CDH23: variants seen among roughly 807,000 people sequenced by gnomAD.
CDH23 encodes the protein cadherin-23.
CDH23 carries 189 observed loss-of-function variants against 317.1 expected under a neutral mutation model. That is an observed-to-expected ratio of 0.60 (90% CI 0.53 to 0.67). The LOEUF is 0.67. CDH23 is among the 30% of genes least tolerant of loss of function. CDH23 has a pLI of 0.00. For synonymous variants in CDH23, 1,839 were observed against 1,876.8 expected, an observed-to-expected ratio of 0.98 and a Z score of 0.52; for missense variants, 4,401 against 4,592.4, an observed-to-expected ratio of 0.96 and a Z score of 1.20.
chr10:71,718,483 G>T (rs1261876042), intron 28 of CDH23, among the ~76,000 whole-genome samples: 1 of 152,230 alleles, frequency 6.6e-6, no homozygotes, highest in Non-Finnish European at 1.5e-5. Context: ...ATCAGGCCTA[G>T]AGAGCACTCT....
chr10:71,558,769 C>T (rs1026279230), intron 6 of CDH23, among the ~76,000 whole-genome samples: 8 of 152,148 alleles, frequency 5.3e-5, no homozygotes, highest in South Asian at 2.1e-4. Context: ...GCTGTTCTTT[C>T]GAGGGATCTG....
chr10:71,639,011 G>A lies in CDH23; in HGVS notation c.1135-4850G>A, dbSNP rs192637452. On this transcript the variant is annotated intron_variant, in intron 11 of 69. Transcript: ENST00000224721. ...CAAAGTGCAGGAGCTACACGGGGAG[G>A]GACCGGCAGGGAGCCAGGAGGGATT... is the stretch of plus-strand genomic sequence containing the variant. 1.5e-3 allele frequency among the ~76,000 whole-genome samples: 231 copies of A among 152,204 alleles called. 1 individual carries two copies. The highest frequency in any genetic ancestry group is 0.01 in the South Asian group (49 of 4,814).
intron 60 of CDH23, among the ~76,000 whole-genome samples, chr10:71,809,366 A>G (rs1310979298): frequency 6.6e-6 from 1 of 151,794 alleles, no homozygotes; most frequent in African/African-American, 2.4e-5. Context: ...TTTAGTACAG[A>G]TGGGGTTTCA....
intron 42 of CDH23, 52 bp downstream of exon 42, chr10:71,784,472 C>A: frequency 6.3e-7 from 1 of 1,582,502 alleles, no homozygotes; most frequent in Non-Finnish European, 8.6e-7. Context: ...CCTGTACTTG[C>A]CACAGAGATT....
At chr10:71,558,020 C>G (rs904982184) in intron 6 of CDH23, among the ~76,000 whole-genome samples, 51 of 139,486 alleles carry the variant, frequency 3.7e-4, no homozygotes, top group African/African-American at 1.3e-3. Flanking sequence ...ATTTTTGAGA[C>G]AGAGTCTCAC....
At chr10:71,450,804 C>T (rs1414193428) in intron 3 of CDH23, among the ~76,000 whole-genome samples, 3 of 152,124 alleles carry the variant, frequency 2.0e-5, no homozygotes, top group Non-Finnish European at 4.4e-5. Flanking sequence ...TTCTCATTCC[C>T]GTGGTGGTCC....
intron 41 of CDH23, among the ~76,000 whole-genome samples, chr10:71,781,303 C>A (rs948509350): frequency 6.6e-6 from 1 of 152,214 alleles, no homozygotes; most frequent in African/African-American, 2.4e-5. Context: ...TCACTCTGTT[C>A]GGACATGCTA....
chr10:71,694,460 G>A (rs1865301343), intron 21 of CDH23, among the ~76,000 whole-genome samples: 1 of 152,134 alleles, frequency 6.6e-6, no homozygotes, highest in South Asian at 2.1e-4. Context: ...TCACCACCAG[G>A]AATGTAGGGG....
intron 38 of CDH23, among the ~76,000 whole-genome samples, chr10:71,759,154 C>A (rs891766776): frequency 6.6e-6 from 1 of 152,040 alleles, no homozygotes; most frequent in Non-Finnish European, 1.5e-5. Context: ...TCTCTTGCCT[C>A]AGCCTCTTGA....
intron 14 of CDH23, chr10:71,646,928 A>C: frequency 1.4e-6 from 2 of 1,404,258 alleles, no homozygotes; most frequent in Non-Finnish European, 9.2e-7. Flanking sequence ...GCCCCCTCAA[A>C]TGGGTGGGAA....
chr10:71,458,880 C>T (rs1046934673), intron 3 of CDH23, among the ~76,000 whole-genome samples: 4 of 152,072 alleles, frequency 2.6e-5, no homozygotes, highest in Admixed American at 6.5e-5. Flanking sequence ...CTCCACCTCC[C>T]GGGTTCACGC....
intron 38 of CDH23, among the ~76,000 whole-genome samples, chr10:71,776,201 C>T (rs1358608348): frequency 2.0e-5 from 3 of 152,212 alleles, no homozygotes; most frequent in African/African-American, 7.2e-5. Context: ...TTTCAGCAAA[C>T]ACCCAATGCC....
chr10:71,430,777 G>A (rs564303555), intron 1 of CDH23, among the ~76,000 whole-genome samples: 1 of 152,200 alleles, frequency 6.6e-6, no homozygotes, highest in Non-Finnish European at 1.5e-5. Context: ...CCGAGATCGC[G>A]CCACTGCACT....
intron 11 of CDH23, among the ~76,000 whole-genome samples, chr10:71,622,179 C>T (rs1564693028): frequency 6.6e-6 from 1 of 152,112 alleles, no homozygotes; most frequent in South Asian, 2.1e-4. Flanking sequence ...CACGGTGAAT[C>T]GGCAACTCAC....
At position 71,675,134 on chromosome 10, in the gene CDH23, C is replaced by T. The variant is rs397517307; in HGVS notation, c.1472C>T (p.Thr491Ile). Reference protein sequence around the residue: ...TVLATDNDAGTFGEVSYFFSD... With the variant: ...TVLATDNDAGIFGEVSYFFSD... The stretch of plus-strand genomic sequence containing the variant: ...CAGGCAACTGACAATGATGCAGGCA[C>T]CTTTGGGGAAGTCAGCTACTTCTTC... Residue 491 changes from threonine to isoleucine, a missense_variant, in exon 15 of 70, where the codon ACC (threonine) becomes ATC (isoleucine). By Grantham distance (89) the Thr-to-Ile change is moderately conservative. This residue lies in a region of CDH23 where 3,068 missense variants were observed against 3,203.3 expected (regional missense o/e 0.96). Coordinates refer to ENST00000224721, the MANE Select transcript of CDH23 (RefSeq NM_022124.6). The T allele has an allele frequency of 7.4e-5, 119 of 1,614,000 alleles. 1 individual carries two copies. The South Asian group carries it at 9.4e-4, about 13-fold the overall frequency.
chr10:71,757,337 C>T (rs12259819), intron 38 of CDH23, among the ~76,000 whole-genome samples: 22,907 of 152,204 alleles, frequency 0.15, 1,936 homozygotes, highest in South Asian at 0.25. Context: ...TATGTGGACC[C>T]TCTATCAGAT....
intron 3 of CDH23, among the ~76,000 whole-genome samples, chr10:71,447,966 T>C (rs1241594961): frequency 6.6e-6 from 1 of 152,232 alleles, no homozygotes; most frequent in East Asian, 1.9e-4. Context: ...TCATTATTCA[T>C]GTCCATTTAA....
intron 3 of CDH23, among the ~76,000 whole-genome samples, chr10:71,482,771 G>A (rs1463624804): frequency 2.0e-5 from 3 of 152,238 alleles, no homozygotes; most frequent in African/African-American, 4.8e-5. Context: ...CTCATCCGGA[G>A]GAAGCAGAGG....
At chr10:71,533,550 CA>C (rs1855528242) in intron 6 of CDH23, among the ~76,000 whole-genome samples, 1 of 151,432 alleles carries the variant, frequency 6.6e-6, no homozygotes, top group Non-Finnish European at 1.5e-5. Context: ...CACACACACA[CA>C]CACACACACA....
Sources: allele counts gnomAD v4.1 joint callset (sites outside exome capture counted in the v4.1 genomes callset), GRCh38; gene constraint gnomAD v4.1.1; regional missense constraint gnomAD v4.1.1; transcripts MANE v1.5; gene names NCBI Gene and HGNC (gene_info 2026-07-23, HGNC 2026-07-21).